FGF12: variants seen among roughly 807,000 people sequenced by gnomAD.
FGF12 encodes the protein fibroblast growth factor 12B.
In FGF12, 14 loss-of-function variants were observed where a neutral mutation model predicts 23.6. The observed-to-expected ratio is 0.59, with a 90% confidence interval of 0.39 to 0.93. The LOEUF (loss-of-function observed/expected upper bound fraction) is 0.93. Ranked by LOEUF, FGF12 falls within the 40% of genes least tolerant of loss-of-function variation. FGF12 has a pLI of 0.00. For missense variants in FGF12, 175 were observed against 217.8 expected (o/e 0.80, Z 1.24); for synonymous variants, 62 against 77.3 (o/e 0.80, Z 1.04).
At chr3:192,715,420 G>C (rs1388809175) in intron 2 of FGF12, among the ~76,000 whole-genome samples, 1 of 152,060 alleles carries the variant, frequency 6.6e-6, no homozygotes, top group Non-Finnish European at 1.5e-5. Flanking sequence ...TCTTCTCCTG[G>C]CTACTACATG....
Position 192,514,530 on chromosome 3 carries a change from C to T in FGF12, c.14-153992G>A, listed in dbSNP as rs1385324509. The T allele has an allele frequency of 1.4e-5, 3 of 220,498 alleles. No individual in the cohort carries two copies. The highest frequency in any genetic ancestry group is 2.3e-5 in the Non-Finnish European group (3 of 130,590). 13.7% of individuals were successfully genotyped at this position (220,498 alleles called of 1,614,324 possible). On this transcript the variant is annotated intron_variant, in intron 2 of 5. Transcript: ENST00000445105. This position sits in a 1 kb window ranked among gnomAD's most constrained non-coding sequence, Gnocchi z 4.9. ...AGAACCAGCGGAGGGGCCCTGACCT[C>T]GCCCCAGTCGGGAAACGCCTTCCCT... is the stretch of plus-strand genomic sequence containing the variant.
intron 2 of FGF12, among the ~76,000 whole-genome samples, chr3:192,449,481 C>T (rs1280698696): frequency 6.6e-6 from 1 of 152,168 alleles, no homozygotes; most frequent in Non-Finnish European, 1.5e-5. Flanking sequence ...ACCCTGCTGT[C>T]GGGTAAGCTC....
chr3:192,725,863 T>C (rs1011497642), intron 2 of FGF12, among the ~76,000 whole-genome samples: 1 of 152,240 alleles, frequency 6.6e-6, no homozygotes, highest in Admixed American at 6.5e-5. Context: ...ATAGAGTTAA[T>C]AATATATGCC....
chr3:192,494,780 T>C (rs928747895), intron 2 of FGF12, among the ~76,000 whole-genome samples: 3 of 152,076 alleles, frequency 2.0e-5, no homozygotes, highest in African/African-American at 7.2e-5. Flanking sequence ...GAAACACTAG[T>C]AAAACTCAAG....
chr3:192,477,096 GAAGA>G (rs1307199156), intron 2 of FGF12, among the ~76,000 whole-genome samples: 1 of 152,180 alleles, frequency 6.6e-6, no homozygotes, highest in Admixed American at 6.5e-5. Flanking sequence ...AACGGAAAAA[GAAGA>G]GAGAGGGGCT....
chr3:192,436,212 G>A (rs1460290006), intron 2 of FGF12, among the ~76,000 whole-genome samples: 1 of 152,220 alleles, frequency 6.6e-6, no homozygotes, highest in Non-Finnish European at 1.5e-5. Flanking sequence ...AAGATGAGAA[G>A]CCTCCTGGGC....
At chr3:192,588,372 A>G (rs967547037) in intron 2 of FGF12, among the ~76,000 whole-genome samples, 3 of 149,514 alleles carry the variant, frequency 2.0e-5, no homozygotes, top group Non-Finnish European at 4.5e-5. Context: ...AAAAAAGAAA[A>G]AAAGAAAAAA....
At chr3:192,584,479 A>C (rs1187841053) in intron 2 of FGF12, among the ~76,000 whole-genome samples, 2 of 152,114 alleles carry the variant, frequency 1.3e-5, no homozygotes, top group Non-Finnish European at 2.9e-5. Flanking sequence ...TCCCTGAAGC[A>C]GACTGCGATG....
intron 2 of FGF12, among the ~76,000 whole-genome samples, chr3:192,412,986 G>A (rs1721241513): frequency 1.3e-5 from 2 of 152,130 alleles, no homozygotes; most frequent in Admixed American, 6.5e-5. Context: ...AGTGGAAGAA[G>A]TTTTAATTAC....
chr3:192,645,089 A>G (rs1715952678), intron 2 of FGF12, among the ~76,000 whole-genome samples: 1 of 152,200 alleles, frequency 6.6e-6, no homozygotes, highest in Non-Finnish European at 1.5e-5. Flanking sequence ...TGACTGGAAC[A>G]TGGCTCCTGC....
At chr3:192,680,233 T>C (rs1202690786) in intron 2 of FGF12, among the ~76,000 whole-genome samples, 1 of 152,184 alleles carries the variant, frequency 6.6e-6, no homozygotes, top group African/African-American at 2.4e-5. Context: ...CCAAACCTTA[T>C]TTTGAACAAA....
intron 2 of FGF12, among the ~76,000 whole-genome samples, chr3:192,576,394 T>G (rs1194551470): frequency 6.6e-6 from 1 of 152,222 alleles, no homozygotes; most frequent in Non-Finnish European, 1.5e-5. Context: ...CAAGCTAGTT[T>G]TAGAACAACT....
At chr3:192,481,401 G>A (rs1258291171) in intron 2 of FGF12, among the ~76,000 whole-genome samples, 2 of 152,166 alleles carry the variant, frequency 1.3e-5, no homozygotes, top group Non-Finnish European at 2.9e-5. Flanking sequence ...TTGGGTAGCA[G>A]TCATTTCTTT....
chr3:192,328,349 G>A (rs778798118), intron 4 of FGF12, among the ~76,000 whole-genome samples: 12 of 152,324 alleles, frequency 7.9e-5, no homozygotes, highest in Non-Finnish European at 1.2e-4. Flanking sequence ...AAGCACATGC[G>A]CAATGAATGA....
chr3:192,357,486 GAA>G, intron 3 of FGF12, among the ~76,000 whole-genome samples: 1 of 122,236 alleles, frequency 8.2e-6, no homozygotes, highest in Non-Finnish European at 1.8e-5. Flanking sequence ...ATCTCAAAAA[GAA>G]AAAAAAAAAT....
chr3:192,327,214 AAAC>A (rs1716864597), intron 4 of FGF12, among the ~76,000 whole-genome samples: 1 of 152,180 alleles, frequency 6.6e-6, no homozygotes, highest in Admixed American at 6.5e-5. Context: ...AGTCCTTCAG[AAAC>A]AACAAAAACT....
At chr3:192,406,302 A>C (rs1188547244) in intron 2 of FGF12, among the ~76,000 whole-genome samples, 1 of 151,628 alleles carries the variant, frequency 6.6e-6, no homozygotes, top group Non-Finnish European at 1.5e-5. Context: ...TATCATTCTT[A>C]TTATCTTGTT....
At chr3:192,171,788 A>G (rs1042443475) in intron 4 of FGF12, among the ~76,000 whole-genome samples, 7 of 152,136 alleles carry the variant, frequency 4.6e-5, no homozygotes, top group African/African-American at 1.4e-4. Context: ...TTATTAATGA[A>G]TATAGGAATA....
At chr3:192,182,755 A>G (rs1393923299) in intron 4 of FGF12, among the ~76,000 whole-genome samples, 1 of 152,144 alleles carries the variant, frequency 6.6e-6, no homozygotes, top group Non-Finnish European at 1.5e-5. Flanking sequence ...CCCAACATCC[A>G]GGGGGCCCTG....
Sources: gnomAD v4.1 joint callset for allele counts (sites outside exome capture counted in the v4.1 genomes callset) on GRCh38, gnomAD v4.1.1 for gene constraint, Gnocchi (gnomAD v3.1) non-coding constraint, MANE v1.5 for transcripts, NCBI Gene and HGNC (gene_info 2026-07-23, HGNC 2026-07-21) for gene names.